ARB2A: variants seen among roughly 807,000 people sequenced by gnomAD.
ARB2A encodes the protein cotranscriptional regulator ARB2A.
the ARB2A span, among the ~76,000 whole-genome samples, chr5:93,700,756 T>C: frequency 1.3e-5 from 2 of 152,150 alleles, no homozygotes; most frequent in African/African-American, 4.8e-5. Flanking sequence ...TTCCATATTA[T>C]GTAAATAACA....
At chr5:94,091,322 C>T in the ARB2A span, among the ~76,000 whole-genome samples, 29 of 152,234 alleles carry the variant, frequency 1.9e-4, no homozygotes, top group Non-Finnish European at 3.4e-4. Flanking sequence ...CCATTACAAT[C>T]ACTCACTGTT....
At chr5:93,743,300 G>C in the ARB2A span, 1 of 152,866 alleles carries the variant, frequency 6.5e-6, no homozygotes, top group Admixed American at 6.5e-5. Context: ...GTCACTGTCT[G>C]TCTTGTTCAC....
chr5:93,928,675 G>A, the ARB2A span, among the ~76,000 whole-genome samples: 2 of 152,126 alleles, frequency 1.3e-5, no homozygotes, highest in East Asian at 1.9e-4. Flanking sequence ...TAGATCGTAA[G>A]AGTTAGGTAA....
chr5:94,069,039 A>AAGATT, the ARB2A span, among the ~76,000 whole-genome samples: 1 of 140,296 alleles, frequency 7.1e-6, no homozygotes, highest in Non-Finnish European at 1.5e-5. Flanking sequence ...CTGTCTTAAA[A>AAGATT]AGATAGATAG....
At chr5:93,949,172 A>T in the ARB2A span, among the ~76,000 whole-genome samples, 107,480 of 151,808 alleles carry the variant, frequency 0.71, 39,910 homozygotes, top group South Asian at 0.85. Flanking sequence ...TAATTTTTGT[A>T]CGTACCTAGG....
chr5:93,803,328 C>G, the ARB2A span, among the ~76,000 whole-genome samples: 7 of 151,926 alleles, frequency 4.6e-5, no homozygotes, highest in African/African-American at 1.7e-4. Context: ...GATACTACAG[C>G]TTTCATCTTT....
the ARB2A span, among the ~76,000 whole-genome samples, chr5:94,034,154 A>G: frequency 1.3e-5 from 2 of 152,288 alleles, no homozygotes; most frequent in South Asian, 4.1e-4. Context: ...TTCTTTATAA[A>G]TTACCTAGTC....
the ARB2A span, among the ~76,000 whole-genome samples, chr5:94,021,104 G>A: frequency 1.3e-5 from 2 of 151,634 alleles, no homozygotes; most frequent in African/African-American, 2.4e-5. Context: ...CTGCCTCCAC[G>A]ACTAAAAAAA....
At chr5:93,807,390 T>C in the ARB2A span, among the ~76,000 whole-genome samples, 2 of 151,986 alleles carry the variant, frequency 1.3e-5, no homozygotes, top group Non-Finnish European at 2.9e-5. Flanking sequence ...ATAATTGATA[T>C]ATAGCTGCTT....
the ARB2A span, among the ~76,000 whole-genome samples, chr5:93,965,646 G>A: frequency 6.6e-6 from 1 of 151,998 alleles, no homozygotes; most frequent in South Asian, 2.1e-4. Flanking sequence ...TCATTTTAAG[G>A]AGTGTTTCTC....
the ARB2A span, chr5:93,739,878 G>A: frequency 4.6e-5 from 7 of 151,278 alleles, no homozygotes; most frequent in African/African-American, 1.7e-4. Flanking sequence ...TAACAAAGGA[G>A]TTTAGAATAC....
At chr5:93,810,119 A>G in the ARB2A span, among the ~76,000 whole-genome samples, 1 of 151,648 alleles carries the variant, frequency 6.6e-6, no homozygotes, top group African/African-American at 2.4e-5. Flanking sequence ...AAAAGGCAAA[A>G]TTTCTTTAAA....
the ARB2A span, among the ~76,000 whole-genome samples, chr5:93,644,546 C>T: frequency 6.6e-6 from 1 of 152,134 alleles, no homozygotes; most frequent in African/African-American, 2.4e-5. Flanking sequence ...AACAAAAGAA[C>T]AGACTCAAAT....
the ARB2A span, chr5:93,861,136 A>G: frequency 2.6e-5 from 4 of 152,094 alleles, no homozygotes; most frequent in African/African-American, 9.7e-5. Context: ...CTTTTTTTGT[A>G]AAGGAATAAT....
chr5:93,653,767 G>C, the ARB2A span, among the ~76,000 whole-genome samples: 1 of 151,932 alleles, frequency 6.6e-6, no homozygotes, highest in Non-Finnish European at 1.5e-5. Flanking sequence ...TATATTATTA[G>C]AGTCTATCCT....
the ARB2A span, among the ~76,000 whole-genome samples, chr5:93,764,788 A>T: frequency 6.6e-6 from 1 of 152,238 alleles, no homozygotes; most frequent in African/African-American, 2.4e-5. Context: ...CGATGCAAAA[A>T]TCCTCAATAA....
chr5:93,981,255 G>A, the ARB2A span, among the ~76,000 whole-genome samples: 16 of 151,930 alleles, frequency 1.1e-4, no homozygotes, highest in East Asian at 2.9e-3. Context: ...TTTTTGTAGA[G>A]ATGGAGTTTC....
the ARB2A span, among the ~76,000 whole-genome samples, chr5:93,677,291 T>G: frequency 6.6e-6 from 1 of 152,210 alleles, no homozygotes; most frequent in Non-Finnish European, 1.5e-5. Context: ...ATACTCAGCA[T>G]TGAGTGACTC....
the ARB2A span, among the ~76,000 whole-genome samples, chr5:93,631,036 G>T: frequency 6.6e-6 from 1 of 151,988 alleles, no homozygotes; most frequent in East Asian, 1.9e-4. Context: ...GGGACTACAG[G>T]CGTGCACCTG....
Sources: gnomAD v4.1 joint callset for allele counts (sites outside exome capture counted in the v4.1 genomes callset) on GRCh38, gnomAD v4.1.1 for gene constraint, MANE v1.5 for transcripts, NCBI Gene and HGNC (gene_info 2026-07-23, HGNC 2026-07-21) for gene names.